NLGN1: variants seen among roughly 807,000 people sequenced by gnomAD.
NLGN1 encodes the protein neuroligin-1.
NLGN1 carries 12 observed loss-of-function variants against 65.5 expected under a neutral mutation model. The ratio of observed to expected loss-of-function variants is 0.18; its 90% CI spans 0.12 to 0.30. NLGN1 has a LOEUF of 0.30. Among genes scored for constraint, NLGN1 ranks in the 10% least tolerant of loss-of-function variants. The pLI, the probability that NLGN1 is intolerant of heterozygous loss-of-function variation, is 1.00. For missense variants in NLGN1, 750 were observed against 1,007.1 expected (o/e 0.74, Z 3.46); for synonymous variants, 350 against 359.5 (o/e 0.97, Z 0.30).
At chr3:174,019,839 A>G (rs1727375295) in intron 4 of NLGN1, among the ~76,000 whole-genome samples, 1 of 152,132 alleles carries the variant, frequency 6.6e-6, no homozygotes, top group African/African-American at 2.4e-5. Flanking sequence ...CTGAAATAGT[A>G]ATATATAAAT....
At chr3:173,935,153 C>T (rs1488921717) in intron 4 of NLGN1, among the ~76,000 whole-genome samples, 2 of 151,936 alleles carry the variant, frequency 1.3e-5, no homozygotes, top group African/African-American at 4.8e-5. Flanking sequence ...TTCCCACTGC[C>T]TTAGTTCAGG....
intron 4 of NLGN1, among the ~76,000 whole-genome samples, chr3:174,256,743 C>T (rs1406952650): frequency 6.6e-6 from 1 of 152,038 alleles, no homozygotes; most frequent in African/African-American, 2.4e-5. Context: ...AAATAATTTT[C>T]ATATGCAAAA....
At chr3:173,564,266 C>A (rs1023553030) in intron 2 of NLGN1, among the ~76,000 whole-genome samples, 2 of 152,218 alleles carry the variant, frequency 1.3e-5, no homozygotes, top group Non-Finnish European at 2.9e-5. Flanking sequence ...TTCCTCTATG[C>A]TCTTTATAGA....
chr3:174,277,501 T>A (rs1369307066), intron 5 of NLGN1, among the ~76,000 whole-genome samples: 4 of 151,894 alleles, frequency 2.6e-5, no homozygotes, highest in Non-Finnish European at 5.9e-5. Context: ...ATTATAGAAA[T>A]CACCAGGTGC....
chr3:173,493,347 A>G (rs1007320260), intron 2 of NLGN1, among the ~76,000 whole-genome samples: 5 of 151,788 alleles, frequency 3.3e-5, no homozygotes, highest in Non-Finnish European at 5.9e-5. Flanking sequence ...TCCTTGGTCC[A>G]AAGAGTAGAA....
At chr3:173,492,508 G>T (rs1729350110) in intron 2 of NLGN1, among the ~76,000 whole-genome samples, 1 of 151,774 alleles carries the variant, frequency 6.6e-6, no homozygotes, top group Non-Finnish European at 1.5e-5. Context: ...GATAATATTT[G>T]TTACAGTAGA....
intron 2 of NLGN1, among the ~76,000 whole-genome samples, chr3:173,587,603 A>T (rs1258765477): frequency 6.6e-6 from 1 of 152,158 alleles, no homozygotes; most frequent in Non-Finnish European, 1.5e-5. Context: ...GGTCCTAATT[A>T]TTAAAAAGAA....
intron 3 of NLGN1, among the ~76,000 whole-genome samples, chr3:173,678,595 A>G (rs947484598): frequency 6.6e-6 from 1 of 152,070 alleles, no homozygotes; most frequent in African/African-American, 2.4e-5. Context: ...CGTTATGGCT[A>G]TAGCGACTAT....
chr3:173,633,886 C>G (rs1473450225), intron 3 of NLGN1, among the ~76,000 whole-genome samples: 1 of 152,128 alleles, frequency 6.6e-6, no homozygotes, highest in Non-Finnish European at 1.5e-5. Context: ...ATCCCCATAG[C>G]TTGTTAAACC....
At chr3:173,895,690 C>CT (rs201331199) in intron 4 of NLGN1, among the ~76,000 whole-genome samples, 30 of 148,240 alleles carry the variant, frequency 2.0e-4, no homozygotes, top group East Asian at 5.9e-4. Flanking sequence ...TCCAAGGACC[C>CT]TTTTTTTTTT....
intron 2 of NLGN1, among the ~76,000 whole-genome samples, chr3:173,485,116 C>CAAAAAAA (rs58463042): frequency 5.7e-5 from 3 of 52,892 alleles, no homozygotes; most frequent in Non-Finnish European, 1.1e-4. Context: ...TGGCAGCAGG[C>CAAAAAAA]AAAAAAAAAA....
chr3:173,448,288 T>C (rs1455807378), intron 2 of NLGN1, among the ~76,000 whole-genome samples: 5 of 152,236 alleles, frequency 3.3e-5, no homozygotes, highest in South Asian at 4.1e-4. Context: ...TTGAATTTTG[T>C]CAAAGGCCTT....
chr3:173,683,057 C>T (rs1466053825), intron 3 of NLGN1, among the ~76,000 whole-genome samples: 3 of 152,166 alleles, frequency 2.0e-5, no homozygotes, highest in East Asian at 1.9e-4. Flanking sequence ...ATTCTGTATA[C>T]AGCGTGCATT....
rs551960713 is a variant in NLGN1 at position 174,149,152 on chromosome 3, A to G, written c.647-126163A>G. ...GCATGACTTCATTAAGCTCTCATAC[A>G]TTTACATTTAGTGAGGAGAAAAAAC... On this transcript the variant is annotated intron_variant, in intron 4 of 6. Transcript: ENST00000457714. 3.9e-5 allele frequency among the ~76,000 whole-genome samples: 6 copies of G among 152,240 alleles called. No individual in the cohort carries two copies. In the South Asian group the frequency reaches 1.2e-3, roughly 32 times the overall value.
chr3:173,830,267 G>A lies in NLGN1; in HGVS notation c.646+22435G>A, dbSNP rs561044147. On this transcript the variant is annotated intron_variant, in intron 4 of 6. Transcript: ENST00000457714. ...GACATTCAAGTGTATGTTTCGATAC[G>A]GTCTTAGCCAAGGGAAGTCATGTAG... Among the ~76,000 whole-genome samples, 10 of 152,144 alleles carry A rather than the reference G, an allele frequency of 6.6e-5. No homozygotes were observed. The South Asian group carries it at 8.3e-4, about 13-fold the overall frequency.
chr3:173,954,112 A>G (rs1314309700), intron 4 of NLGN1, among the ~76,000 whole-genome samples: 1 of 152,148 alleles, frequency 6.6e-6, no homozygotes, highest in African/African-American at 2.4e-5. Context: ...TATTATCATC[A>G]GTCTACTGTA....
chr3:174,149,564 A>G (rs1001318138), intron 4 of NLGN1, among the ~76,000 whole-genome samples: 3 of 152,172 alleles, frequency 2.0e-5, no homozygotes, highest in Admixed American at 1.3e-4. Context: ...ATCAAATTAT[A>G]AACATCCTTG....
At chr3:174,174,776 C>G (rs1020601090) in intron 4 of NLGN1, among the ~76,000 whole-genome samples, 1 of 151,704 alleles carries the variant, frequency 6.6e-6, no homozygotes, top group Admixed American at 6.6e-5. Context: ...AATATATAAG[C>G]ACTTATAGCT....
In NLGN1 at chr3:173,496,839, C is replaced by T. The variant is rs142930536; in HGVS notation, c.-321+61761C>T. ...ATAGAGATCTTATTATTAATATTTA[C>T]TAAATTCCTTTTTAATCGAACTCTA... On this transcript the variant is annotated intron_variant, in intron 2 of 6. Coordinates refer to ENST00000457714, the Ensembl canonical transcript of NLGN1. Among the ~76,000 whole-genome samples the T allele has an allele frequency of 8.2e-4, 125 of 151,920 alleles. 2 individuals carry two copies. Among genetic ancestry groups the T allele is most frequent in the Admixed American group, 6.0e-3 (91 of 15,254 alleles).
Sources: allele counts gnomAD v4.1 joint callset (sites outside exome capture counted in the v4.1 genomes callset), GRCh38; gene constraint gnomAD v4.1.1; transcripts MANE v1.5; gene names NCBI Gene and HGNC (gene_info 2026-07-23, HGNC 2026-07-21).